EME1: variants seen among roughly 807,000 people sequenced by gnomAD.
EME1 encodes the protein structure-specific endonuclease subunit EME1.
Under a neutral mutation model 59.1 loss-of-function variants are expected in EME1, and 61 were observed. The observed-to-expected ratio is 1.03, with a 90% CI of 0.84 to 1.28. The LOEUF is 1.28. Among genes scored for constraint, EME1 ranks in the 50% most tolerant of loss-of-function variants. The probability of loss-of-function intolerance (pLI) is 0.00; values close to 1 mark genes in which losing one functional copy is unlikely to be tolerated. For missense variants in EME1, 635 were observed against 682.6 expected (o/e 0.93, Z 0.78); for synonymous variants, 230 against 254.2 (o/e 0.90, Z 0.90).
At chr17:50,378,478 G>A (rs1398428701) in intron 3 of EME1, 117 bp from the exon 4 acceptor site, 6 of 942,390 alleles carry the variant, frequency 6.4e-6, no homozygotes, top group Non-Finnish European at 8.5e-6. Flanking sequence ...ATTCCAGAAA[G>A]GATAATGCAT....
At position 50,376,110 on chromosome 17, in the gene EME1, C is replaced by A; in HGVS notation, c.820C>A (p.Gln274Lys). 6.2e-7 allele frequency: 1 copy of A among 1,614,112 alleles called. No homozygotes were observed. Reference protein sequence around the residue: ...EGGGQLLGALQTMECRCVIEA... With the variant: ...EGGGQLLGALKTMECRCVIEA... The stretch of plus-strand genomic sequence containing the variant: ...TGGGGGCCAGCTCCTAGGAGCACTG[C>A]AGACCATGGAGTGCCGCTGTGTGAT... Residue 274 changes from glutamine (Q) to lysine (K), a missense_variant, in exon 3 of 9, where the codon CAG becomes AAG. Gln to Lys is a moderately conservative substitution (Grantham distance 53). Coordinates refer to ENST00000338165, the MANE Select transcript of EME1 (RefSeq NM_152463.4).
chr17:50,380,406 G>T lies in EME1; in HGVS notation c.1441G>T (p.Val481Phe). ...VDLAGRGLAL[V>F]WRRQIQQLNR... ...CCTTGCTGGCAGGGGACTCGCACTA[G>T]TCTGGAGGAGACAGATTCAGCAGCT... is the stretch of plus-strand genomic sequence containing the variant. The change falls in exon 8 of 9, where the codon GTC (valine) becomes TTC (phenylalanine). Residue 481 changes from valine to phenylalanine, a missense_variant. Val to Phe is a conservative substitution (Grantham distance 50). Transcript: ENST00000338165. 6.2e-7 allele frequency: 1 copy of T among 1,614,222 alleles called. No individual in the cohort carries two copies. Among genetic ancestry groups the T allele is most frequent in the South Asian group, 1.1e-5 (1 of 91,076 alleles).
intron 7 of EME1, 101 bp from the exon 8 acceptor site, chr17:50,380,211 C>A (rs1598364672): frequency 1.6e-6 from 2 of 1,256,164 alleles, no homozygotes; most frequent in African/African-American, 1.5e-5. Context: ...ATGGCGCCCA[C>A]CTCTTCCAAG....
chr17:50,375,658 C>T lies in EME1; in HGVS notation c.450C>T (p.Thr150=), dbSNP rs1458438213. Residue 150 remains threonine, a synonymous_variant, in exon 2 of 9, where the codon ACC becomes ACT. Coordinates refer to ENST00000338165, the MANE Select transcript of EME1 (RefSeq NM_152463.4). ...TCCCTGAAGTTCCCCTCCATGATAC[C>T]CCAGAGAGGAGTGCAGCAGATAACA... ...PKIPEVPLHD[T]PERSAADNKD... The T allele has an allele frequency of 3.1e-6, 5 of 1,613,910 alleles. No homozygotes were observed. The highest frequency in any genetic ancestry group is 4.2e-6 in the Non-Finnish European group (5 of 1,180,032).
At chr17:50,374,930 T>TC (rs531963896) in intron 1 of EME1, 21 of 302,698 alleles carry the variant, frequency 6.9e-5, no homozygotes, top group Non-Finnish European at 1.2e-4. Flanking sequence ...TGTTACCACC[T>TC]CCCCCCATTA....
At chr17:50,377,904 T>C (rs562729739) in intron 3 of EME1, among the ~76,000 whole-genome samples, 116 of 151,862 alleles carry the variant, frequency 7.6e-4, no homozygotes, top group African/African-American at 2.6e-3. Flanking sequence ...TACAGGCGTG[T>C]ACCACCACGC....
rs1485068624 is a variant in EME1 at position 50,375,444 on chromosome 17, C to T, written c.236C>T (p.Pro79Leu). ...EIAETVTQTQ[P>L]VRLLSSESED... ...GCTGAAACTGTCACACAAACACAGCCAGTCAGGTTGCTAAGCAGTGAAAGT... is the reference window on the plus strand; with the variant it reads ...GCTGAAACTGTCACACAAACACAGCTAGTCAGGTTGCTAAGCAGTGAAAGT... Residue 79 changes from proline to leucine, a missense_variant, in exon 2 of 9, where the codon CCA becomes CTA. By Grantham distance (98) the Pro-to-Leu change is moderately conservative. Coordinates refer to ENST00000338165, the MANE Select transcript of EME1 (RefSeq NM_152463.4). 1.2e-6 allele frequency: 2 copies of T among 1,614,060 alleles called. No individual in the cohort carries two copies. The highest frequency in any genetic ancestry group is 1.7e-6 in the Non-Finnish European group (2 of 1,180,030).
At chr17:50,380,234 G>T in intron 7 of EME1, 78 bp from the exon 8 acceptor site, 5 of 1,441,634 alleles carry the variant, frequency 3.5e-6, no homozygotes, top group Non-Finnish European at 4.7e-6. Flanking sequence ...CAGTGGGGGG[G>T]TTTTCAGTTG....
At chr17:50,379,421 T>C in intron 6 of EME1, 31 bp from the exon 7 acceptor site, 1 of 1,609,958 alleles carries the variant, frequency 6.2e-7, no homozygotes, top group Non-Finnish European at 8.5e-7. Flanking sequence ...CTTCCTACCC[T>C]TCCAGTCCAT....
chr17:50,377,095 GAA>G (rs1302368925), intron 3 of EME1, among the ~76,000 whole-genome samples: 1 of 152,044 alleles, frequency 6.6e-6, no homozygotes, highest in East Asian at 1.9e-4. Context: ...TATAAAATAA[GAA>G]AAAAGATTTT....
chr17:50,375,965 A>G lies in EME1; in HGVS notation c.757A>G (p.Ile253Val), dbSNP rs936299982. ...QRPEECLKHI[I>V]VVLDPVLLQM... ...GCCAGAGGAATGCTTAAAACACATC[A>G]TTGTAGTGCTGGATCCAGGTCCTCA... Residue 253 changes from isoleucine to valine, a missense_variant, in exon 2 of 9, where the codon ATT becomes GTT. Ile to Val is a conservative substitution (Grantham distance 29). Coordinates refer to ENST00000338165, the MANE Select transcript of EME1 (RefSeq NM_152463.4). 1.2e-5 allele frequency: 20 copies of G among 1,606,694 alleles called. No individual in the cohort carries two copies. Among genetic ancestry groups the G allele is most frequent in the Non-Finnish European group, 1.7e-5 (20 of 1,175,100 alleles).
intron 3 of EME1, among the ~76,000 whole-genome samples, chr17:50,376,640 T>A (rs1323904035): frequency 6.6e-6 from 1 of 152,162 alleles, no homozygotes; most frequent in Non-Finnish European, 1.5e-5. Context: ...GGCATAGCTG[T>A]TACCATCCCT....
At chr17:50,380,671 C>T in intron 8 of EME1, 92 bp from the exon 9 acceptor site, 2 of 1,575,240 alleles carry the variant, frequency 1.3e-6, no homozygotes, top group Middle Eastern at 4.6e-4. Flanking sequence ...GACAGGTTCT[C>T]ATGCCCCAAG....
rs1460058654 is a variant in EME1 at position 50,375,202 on chromosome 17, C to T, written c.-7C>T. ...CCTTTTAGGGAATTATTTGATAGCACATACTGATGGCTCTAAAGAAGTCAT... is the reference window on the plus strand; with the variant it reads ...CCTTTTAGGGAATTATTTGATAGCATATACTGATGGCTCTAAAGAAGTCAT... On this transcript the variant is annotated 5_prime_UTR_variant, in exon 2 of 9. Transcript: ENST00000338165. 3.1e-6 allele frequency: 5 copies of T among 1,612,082 alleles called. No individual in the cohort carries two copies. In the African/African-American group the frequency reaches 5.3e-5, roughly 17 times the overall value.
chr17:50,379,469 G>A lies in EME1; in HGVS notation c.1248G>A (p.Gln416=). 6.2e-7 allele frequency: 1 copy of A among 1,614,160 alleles called. No individual in the cohort carries two copies. Among genetic ancestry groups the A allele is most frequent in the Non-Finnish European group, 8.5e-7 (1 of 1,180,028 alleles). The change falls in exon 7 of 9, where the codon CAG becomes CAA. Residue 416 remains glutamine, a synonymous_variant. Transcript: ENST00000338165. ...GTTTCTAGGCATTGGTGGATCTGCA[G>A]CTACACACAGAAGCCCAGGCTCAAA... ...VDAEEALVDL[Q]LHTEAQAQIV...
Position 50,375,362 on chromosome 17 carries a change from T to C in EME1, c.154T>C (p.Cys52Arg). 5.0e-6 allele frequency: 8 copies of C among 1,614,178 alleles called. No individual in the cohort carries two copies. The highest frequency in any genetic ancestry group is 6.8e-6 in the Non-Finnish European group (8 of 1,180,038). ...EKIVVVDISD[C>R]EASCPPAPEL... ...GATTGTAGTGGTTGACATCTCAGATTGTGAAGCCTCCTGTCCTCCAGCACC... is the reference window on the plus strand; with the variant it reads ...GATTGTAGTGGTTGACATCTCAGATCGTGAAGCCTCCTGTCCTCCAGCACC... The change falls in exon 2 of 9, where the codon TGT becomes CGT. Residue 52 changes from cysteine to arginine, a missense_variant. Cys to Arg is a radical substitution (Grantham distance 180, BLOSUM62 -3). Coordinates refer to ENST00000338165, the MANE Select transcript of EME1 (RefSeq NM_152463.4).
chr17:50,374,092 G>C (rs1217957567), intron 1 of EME1, among the ~76,000 whole-genome samples: 3 of 152,194 alleles, frequency 2.0e-5, no homozygotes, highest in African/African-American at 7.2e-5. Flanking sequence ...GGAAAGGACA[G>C]TGACGGCTTA....
intron 1 of EME1, among the ~76,000 whole-genome samples, chr17:50,373,625 G>A (rs72832470): frequency 0.021 from 3,144 of 152,278 alleles, 54 homozygotes; most frequent in Middle Eastern, 0.054. Flanking sequence ...TTTTACTAAG[G>A]AAGAAACTGA....
Position 50,379,456 on chromosome 17 carries a change from T to C in EME1, c.1235T>C (p.Leu412Ser), listed in dbSNP as rs756751657. The C allele has an allele frequency of 3.1e-6, 5 of 1,614,022 alleles. No homozygotes were observed. The South Asian group carries it at 3.3e-5, about 11-fold the overall frequency. Reference protein sequence around the residue: ...MVSRVDAEEALVDLQLHTEAQ... With the variant: ...MVSRVDAEEASVDLQLHTEAQ... ...TCGTTGCTTTTGGGTTTCTAGGCAT[T>C]GGTGGATCTGCAGCTACACACAGAA... Residue 412 changes from leucine (L) to serine (S), a missense_variant, in exon 7 of 9, where the codon TTG (leucine) becomes TCG (serine). Transcript: ENST00000338165.
Sources: allele counts gnomAD v4.1 joint callset (sites outside exome capture counted in the v4.1 genomes callset), GRCh38; gene constraint gnomAD v4.1.1; transcripts MANE v1.5; gene names NCBI Gene and HGNC (gene_info 2026-07-23, HGNC 2026-07-21).